Variants in ERC2 observed in about 807,000 individuals in gnomAD.
ERC2 encodes the protein ELKS/RAB6-interacting/CAST family member 2, also known as ERC protein 2.
ERC2 carries 42 observed loss-of-function variants against 114.8 expected under a neutral mutation model. The ratio of observed to expected loss-of-function variants is 0.37; its 90% CI spans 0.29 to 0.47. The LOEUF (loss-of-function observed/expected upper bound fraction) is 0.47. Ranked by LOEUF, ERC2 falls within the 20% of genes least tolerant of loss-of-function variation. The probability of loss-of-function intolerance (pLI) is 0.99; values close to 1 mark genes in which losing one functional copy is unlikely to be tolerated. For synonymous variants in ERC2, 454 were observed against 425.5 expected (o/e 1.07, Z -0.82); for missense variants, 939 against 1,150.7 (o/e 0.82, Z 2.66).
At chr3:56,199,628 C>T (rs1205354198) in intron 3 of ERC2, among the ~76,000 whole-genome samples, 2 of 152,118 alleles carry the variant, frequency 1.3e-5, no homozygotes, top group Non-Finnish European at 2.9e-5. Flanking sequence ...CCACCTAAGT[C>T]TCCCAGGAAG....
chr3:56,434,905 C>T lies in ERC2; in HGVS notation c.103G>A (p.Gly35Arg), dbSNP rs752537322. Reference sequence around the variant, plus strand: ...GTCTTGCCTGTTCCTCCACCTCCCCCACTACTTGTTCTTCGGTGGCCCAAA... The same window carrying T: ...GTCTTGCCTGTTCCTCCACCTCCCCTACTACTTGTTCTTCGGTGGCCCAAA... Reference protein sequence around the residue: ...PRLGHRRTSSGGGGGTGKTLS... With the variant: ...PRLGHRRTSSRGGGGTGKTLS... Residue 35 changes from glycine (G) to arginine (R), a missense_variant, in exon 2 of 18, where the codon GGG becomes AGG. By Grantham distance (125) the Gly-to-Arg change is moderately radical (BLOSUM62 -2). Around this residue, in one of 5 missense-constraint regions of ERC2, gnomAD observed 281 missense variants for 307.4 expected, o/e 0.91. Coordinates refer to ENST00000288221, the MANE Select transcript of ERC2 (RefSeq NM_015576.3). 4 of 1,613,742 alleles carry T rather than the reference C, an allele frequency of 2.5e-6. No homozygotes were observed. The highest frequency in any genetic ancestry group is 3.3e-5 in the Admixed American group (2 of 59,998).
intron 16 of ERC2, among the ~76,000 whole-genome samples, chr3:55,692,750 C>T (rs2062730380): frequency 6.6e-6 from 1 of 152,212 alleles, no homozygotes; most frequent in Non-Finnish European, 1.5e-5. Context: ...GTACTGTAAG[C>T]ATCTGCCTAT....
intron 11 of ERC2, 38 bp downstream of exon 11, chr3:55,992,019 C>T (rs765841131): frequency 2.5e-6 from 4 of 1,592,280 alleles, no homozygotes; most frequent in East Asian, 2.2e-5. Context: ...AGTCCATGTT[C>T]TCTCACTGCC....
chr3:56,071,129 T>C lies in ERC2; in HGVS notation c.1641+9688A>G, dbSNP rs2076719543. 3.3e-5 allele frequency among the ~76,000 whole-genome samples: 5 copies of C among 152,162 alleles called. No homozygotes were observed. The South Asian group carries it at 1.0e-3, about 32-fold the overall frequency. The stretch of plus-strand genomic sequence containing the variant: ...GCAGAAATTACAACTTCTTCAATAA[T>C]ATATGTATCCCCAGTACCTTTGAGG... On this transcript the variant is annotated intron_variant, in intron 7 of 17. Coordinates refer to ENST00000288221, the MANE Select transcript of ERC2 (RefSeq NM_015576.3).
At chr3:55,781,570 C>T (rs1263712896) in intron 14 of ERC2, among the ~76,000 whole-genome samples, 2 of 151,716 alleles carry the variant, frequency 1.3e-5, no homozygotes, top group Non-Finnish European at 2.9e-5. Flanking sequence ...TGAAACAACT[C>T]ATTTGAAAAA....
chr3:55,638,725 C>A (rs1295247628), intron 17 of ERC2, among the ~76,000 whole-genome samples: 3 of 152,136 alleles, frequency 2.0e-5, no homozygotes, highest in Non-Finnish European at 2.9e-5. Context: ...TGGCTGGTTA[C>A]CAGGTTTTAA....
intron 3 of ERC2, among the ~76,000 whole-genome samples, chr3:56,242,779 A>G (rs2051409149): frequency 6.6e-6 from 1 of 150,802 alleles, no homozygotes; most frequent in South Asian, 2.1e-4. Flanking sequence ...GCAAGAAAAT[A>G]TAAGACCCTA....
At chr3:56,269,442 C>A (rs1450129729) in intron 3 of ERC2, among the ~76,000 whole-genome samples, 1 of 152,158 alleles carries the variant, frequency 6.6e-6, no homozygotes, top group African/African-American at 2.4e-5. Flanking sequence ...CCCTCCTCTG[C>A]ATAATTTTAA....
At position 56,091,224 on chromosome 3, in the gene ERC2, C is replaced by T. The variant is rs141797344; in HGVS notation, c.1474-10240G>A. ...GGATGGAGGTGGTGGAGAGGGGGCA[C>T]GTGGCTGTGTTTGTGATGCATTTTG... On this transcript the variant is annotated intron_variant, in intron 6 of 17. Transcript: ENST00000288221. Among the ~76,000 whole-genome samples the T allele has an allele frequency of 1.7e-4, 26 of 151,950 alleles. No individual in the cohort carries two copies. In the East Asian group the frequency reaches 1.9e-3, roughly 11 times the overall value.
chr3:56,450,328 GCTGA>G (rs1189854555), intron 1 of ERC2, among the ~76,000 whole-genome samples: 1 of 152,182 alleles, frequency 6.6e-6, no homozygotes, highest in Non-Finnish European at 1.5e-5. Context: ...GAGTCAAGAG[GCTGA>G]CTGTCTTCCA....
chr3:55,599,358 C>G (rs535940053), intron 17 of ERC2, among the ~76,000 whole-genome samples: 1 of 152,098 alleles, frequency 6.6e-6, no homozygotes, highest in South Asian at 2.1e-4. Context: ...ACCTGATGAT[C>G]GACAGCTACT....
At chr3:56,430,515 A>G (rs1453051950) in intron 2 of ERC2, among the ~76,000 whole-genome samples, 1 of 152,206 alleles carries the variant, frequency 6.6e-6, no homozygotes, top group East Asian at 1.9e-4. Context: ...GCAAAAGCAC[A>G]AGTGACAGTA....
intron 1 of ERC2, among the ~76,000 whole-genome samples, chr3:56,452,802 A>G (rs1160666364): frequency 6.6e-6 from 1 of 152,224 alleles, no homozygotes. Flanking sequence ...AAGTGTAACA[A>G]TGGCTACTTC....
At chr3:55,920,444 A>ACCC (rs1259223246) in intron 13 of ERC2, among the ~76,000 whole-genome samples, 7 of 148,122 alleles carry the variant, frequency 4.7e-5, no homozygotes, top group South Asian at 4.2e-4. Flanking sequence ...ACACACACAC[A>ACCC]CACCCCAAGT....
At chr3:56,062,288 G>A (rs1318158905) in intron 7 of ERC2, among the ~76,000 whole-genome samples, 4 of 152,164 alleles carry the variant, frequency 2.6e-5, no homozygotes, top group Non-Finnish European at 5.9e-5. Context: ...ACTCTTTTCA[G>A]TTCAGGCTTC....
intron 8 of ERC2, among the ~76,000 whole-genome samples, chr3:56,012,288 G>A (rs1177870245): frequency 6.6e-6 from 1 of 152,118 alleles, no homozygotes; most frequent in African/African-American, 2.4e-5. Flanking sequence ...CATGGCTGTT[G>A]GAGCGACATT....
intron 14 of ERC2, among the ~76,000 whole-genome samples, chr3:55,831,136 T>G (rs1197724965): frequency 4.5e-5 from 6 of 133,678 alleles, no homozygotes; most frequent in Non-Finnish European, 9.3e-5. Context: ...ACAAGACCCC[T>G]CTCTACAAAA....
At chr3:55,931,075 T>C (rs879467756) in intron 13 of ERC2, among the ~76,000 whole-genome samples, 1 of 152,184 alleles carries the variant, frequency 6.6e-6, no homozygotes, top group Non-Finnish European at 1.5e-5. Flanking sequence ...CCAGTTAGAA[T>C]GGCGATCATT....
chr3:56,203,710 G>A (rs1479755289), intron 3 of ERC2, among the ~76,000 whole-genome samples: 1 of 152,168 alleles, frequency 6.6e-6, no homozygotes, highest in Non-Finnish European at 1.5e-5. Context: ...AGGTCAAATT[G>A]AAACCCTGGA....
Sources: allele counts gnomAD v4.1 joint callset (sites outside exome capture counted in the v4.1 genomes callset), GRCh38; gene constraint gnomAD v4.1.1; regional missense constraint gnomAD v4.1.1; transcripts MANE v1.5; gene names NCBI Gene and HGNC (gene_info 2026-07-23, HGNC 2026-07-21).